The following DENND1B variants were observed in gnomAD, a reference collection of about 807,000 sequenced individuals.
The protein encoded by DENND1B is DENN domain containing 1B, also known as DENN domain-containing protein 1B.
DENND1B carries 59 observed loss-of-function variants against 90.1 expected under a neutral mutation model. The observed-to-expected ratio is 0.65, with a 90% CI of 0.53 to 0.81. The LOEUF is 0.81. Ranked by LOEUF, DENND1B falls within the 40% of genes least tolerant of loss-of-function variation. DENND1B has a pLI of 0.00. For synonymous variants in DENND1B, 337 were observed against 324.6 expected, an observed-to-expected ratio of 1.04 and a Z score of -0.41; for missense variants, 862 against 912.6, an observed-to-expected ratio of 0.94 and a Z score of 0.71.
At chr1:197,595,587 A>G (rs1675614236) in intron 13 of DENND1B, among the ~76,000 whole-genome samples, 1 of 152,088 alleles carries the variant, frequency 6.6e-6, no homozygotes, top group Non-Finnish European at 1.5e-5. Flanking sequence ...GACATAAATA[A>G]GCTTTAATTA....
At chr1:197,606,178 G>A (rs1431569478) in intron 13 of DENND1B, 1 of 150,888 alleles carries the variant, frequency 6.6e-6, no homozygotes, top group Non-Finnish European at 1.5e-5. Context: ...CCTGTACTAA[G>A]GAATATGAAG....
chr1:197,588,256 G>A (rs905750154), intron 14 of DENND1B, among the ~76,000 whole-genome samples: 24 of 152,178 alleles, frequency 1.6e-4, no homozygotes, highest in Non-Finnish European at 3.1e-4. Context: ...TTCTACCCTA[G>A]TATGCTGCTC....
At chr1:197,692,000 AGTT>A in intron 3 of DENND1B, among the ~76,000 whole-genome samples, 1 of 151,914 alleles carries the variant, frequency 6.6e-6, no homozygotes, top group Non-Finnish European at 1.5e-5. Context: ...ACAGGTACAA[AGTT>A]CAGTTATATA....
intron 14 of DENND1B, among the ~76,000 whole-genome samples, chr1:197,590,991 G>A (rs1412605109): frequency 6.6e-6 from 1 of 152,176 alleles, no homozygotes; most frequent in Non-Finnish European, 1.5e-5. Context: ...TGCATTAATT[G>A]TAAGATAAAG....
chr1:197,726,223 C>T (rs1220909798), intron 2 of DENND1B, among the ~76,000 whole-genome samples: 4 of 152,018 alleles, frequency 2.6e-5, no homozygotes, highest in Non-Finnish European at 4.4e-5. Flanking sequence ...ATGAACCTGA[C>T]GTGGACCCAG....
Position 197,607,081 on chromosome 1 carries a change from T to C in DENND1B, c.913A>G (p.Ser305Gly), listed in dbSNP as rs370115142. 1.2e-6 allele frequency: 2 copies of C among 1,603,812 alleles called. No homozygotes were observed. Among genetic ancestry groups the C allele is most frequent in the South Asian group, 2.2e-5 (2 of 90,520 alleles). Residue 305 changes from serine to glycine, a missense_variant, in exon 13 of 23, where the codon AGT (serine) becomes GGT (glycine). Transcript: ENST00000620048. ...SPFSDLNNLP[S>G]DVVSALKNKL... ...ATAGCCTTCATACTTACCACATCAC[T>C]TGGTAGGTTGTTCAAGTCACTAAAT...
intron 3 of DENND1B, among the ~76,000 whole-genome samples, chr1:197,685,385 T>C (rs567097413): frequency 6.6e-6 from 1 of 152,334 alleles, no homozygotes; most frequent in African/African-American, 2.4e-5. Context: ...TCAGTTGTTA[T>C]ACTTTCAGCA....
chr1:197,623,655 C>T (rs1325772438), intron 10 of DENND1B, among the ~76,000 whole-genome samples: 2 of 151,282 alleles, frequency 1.3e-5, no homozygotes, highest in African/African-American at 4.8e-5. Context: ...CCATGTTCTC[C>T]CTGCCCTCAC....
chr1:197,560,154 T>C (rs530845908), intron 15 of DENND1B, among the ~76,000 whole-genome samples: 1 of 151,924 alleles, frequency 6.6e-6, no homozygotes, highest in Non-Finnish European at 1.5e-5. Context: ...GATATGTCAA[T>C]TGACATTAAA....
chr1:197,523,455 C>A (rs925985664), intron 20 of DENND1B, among the ~76,000 whole-genome samples: 1 of 152,082 alleles, frequency 6.6e-6, no homozygotes, highest in South Asian at 2.1e-4. Context: ...GGGCGCATGG[C>A]CCACTTAAGA....
chr1:197,550,377 G>A (rs1175697851), intron 16 of DENND1B, among the ~76,000 whole-genome samples: 1 of 152,072 alleles, frequency 6.6e-6, no homozygotes, highest in Non-Finnish European at 1.5e-5. Context: ...GTGACCTTGA[G>A]TAAATTATTG....
intron 2 of DENND1B, among the ~76,000 whole-genome samples, chr1:197,743,071 T>C (rs567757662): frequency 1.5e-4 from 23 of 152,330 alleles, no homozygotes; most frequent in African/African-American, 3.6e-4. Flanking sequence ...TATTCCAGAC[T>C]ATCTTTTCCA....
Position 197,508,383 on chromosome 1 carries a change from T to C in DENND1B, c.*2077A>G, listed in dbSNP as rs1007747246. 5.9e-5 allele frequency: 9 copies of C among 151,754 alleles called. No homozygotes were observed. Among genetic ancestry groups the C allele is most frequent in the Non-Finnish European group, 1.2e-4 (8 of 67,808 alleles). 9.4% of individuals were successfully genotyped at this position (151,754 alleles called of 1,614,324 possible). A position where few individuals can be genotyped will look rare whatever the true frequency, so the allele number is the denominator to read the frequency against. On this transcript the variant is annotated 3_prime_UTR_variant, in exon 23 of 23. Coordinates refer to ENST00000620048, the MANE Select transcript of DENND1B (RefSeq NM_001195215.2). ...AGTAAAGTAAGTTGTAATTTTGTAA[T>C]AAGCTTATAAAGGCAAAATTTGACA...
intron 15 of DENND1B, among the ~76,000 whole-genome samples, chr1:197,568,129 A>G (rs1672845422): frequency 1.3e-5 from 2 of 152,122 alleles, no homozygotes; most frequent in Non-Finnish European, 2.9e-5. Context: ...TGAGCAAAAA[A>G]ACTGTTGGAA....
intron 15 of DENND1B, among the ~76,000 whole-genome samples, chr1:197,576,682 C>A (rs555822802): frequency 1.2e-4 from 18 of 152,064 alleles, no homozygotes. Context: ...CTACAGCCAC[C>A]CCCTTATACT....
Position 197,567,296 on chromosome 1 carries a change from T to G in DENND1B, c.1150-14184A>C, listed in dbSNP as rs559086229. On this transcript the variant is annotated intron_variant, in intron 15 of 22. Coordinates refer to ENST00000620048, the MANE Select transcript of DENND1B (RefSeq NM_001195215.2). ...AATGAATAAATTCCTAGATACAACC[T>G]ATCAAAACTGAATTATTAACAAATA... is the stretch of plus-strand genomic sequence containing the variant. Among the ~76,000 whole-genome samples, 18 of 152,100 alleles carry G rather than the reference T, an allele frequency of 1.2e-4. No individual in the cohort carries two copies. The South Asian group carries it at 3.7e-3, about 32-fold the overall frequency.
At chr1:197,523,553 C>G (rs1189702871) in intron 20 of DENND1B, among the ~76,000 whole-genome samples, 1 of 152,084 alleles carries the variant, frequency 6.6e-6, no homozygotes, top group East Asian at 1.9e-4. Context: ...GAAAGAAAAG[C>G]CTCTATATAG....
At chr1:197,651,565 C>T (rs1653179545) in intron 7 of DENND1B, among the ~76,000 whole-genome samples, 4 of 150,784 alleles carry the variant, frequency 2.7e-5, no homozygotes, top group Non-Finnish European at 1.5e-5. Flanking sequence ...TACTAAGTAC[C>T]GTTTTCATTT....
At chr1:197,726,359 C>A (rs934680506) in intron 2 of DENND1B, among the ~76,000 whole-genome samples, 2 of 152,094 alleles carry the variant, frequency 1.3e-5, no homozygotes, top group Non-Finnish European at 1.5e-5. Context: ...TTTGCAGAAC[C>A]GCAACCCAGG....
Sources: allele counts gnomAD v4.1 joint callset (sites outside exome capture counted in the v4.1 genomes callset), GRCh38; gene constraint gnomAD v4.1.1; transcripts MANE v1.5; gene names NCBI Gene and HGNC (gene_info 2026-07-23, HGNC 2026-07-21).